GPR83: variants seen among roughly 807,000 people sequenced by gnomAD.
GPR83 encodes the protein G protein-coupled receptor 83, also known as G-protein coupled receptor 72.
GPR83 carries 23 observed loss-of-function variants against 28.0 expected under a neutral mutation model. The observed-to-expected ratio is 0.82, with a 90% CI of 0.59 to 1.16. The LOEUF is 1.16. Among genes scored for constraint, GPR83 ranks in the 50% most tolerant of loss-of-function variants. The pLI is 0.00. For synonymous variants in GPR83, 234 were observed against 215.4 expected, an observed-to-expected ratio of 1.09 and a Z score of -0.76; for missense variants, 610 against 536.6, an observed-to-expected ratio of 1.14 and a Z score of -1.35.
At position 94,380,319 on chromosome 11, in the gene GPR83, T is replaced by C. The variant is rs757885489; in HGVS notation, c.1102A>G (p.Lys368Glu). 5 of 1,610,766 alleles carry C rather than the reference T, an allele frequency of 3.1e-6. No individual in the cohort carries two copies. Among genetic ancestry groups the C allele is most frequent in the African/African-American group, 2.7e-5 (2 of 74,862 alleles). ...GAGGGTGGCCTGTCCTCCTGAGGCTTGGGAGGTCTTTGACACATGCTCAGT... is the reference window on the plus strand; with the variant it reads ...GAGGGTGGCCTGTCCTCCTGAGGCTCGGGAGGTCTTTGACACATGCTCAGT... ...ALLSMCQRPP[K>E]PQEDRPPSPV... Residue 368 changes from lysine (K) to glutamate (E), a missense_variant, in exon 4 of 4, where the codon AAG becomes GAG. Transcript: ENST00000243673.
At chr11:94,390,542 T>C (rs760705847) in intron 3 of GPR83, among the ~76,000 whole-genome samples, 10 of 152,210 alleles carry the variant, frequency 6.6e-5, no homozygotes, top group Non-Finnish European at 1.3e-4. Flanking sequence ...TGTCTCTGTT[T>C]GCAGATGACA....
intron 1 of GPR83, among the ~76,000 whole-genome samples, chr11:94,397,484 T>G (rs868580800): frequency 1.3e-5 from 2 of 152,144 alleles, no homozygotes; most frequent in Admixed American, 1.3e-4. Context: ...GGCATAGAAA[T>G]AGGGCAAGTT....
At chr11:94,390,881 G>GA (rs1944810365) in intron 3 of GPR83, among the ~76,000 whole-genome samples, 1 of 152,198 alleles carries the variant, frequency 6.6e-6, no homozygotes, top group Non-Finnish European at 1.5e-5. Flanking sequence ...TCAATATCAT[G>GA]AAAATGGCCA....
intron 3 of GPR83, among the ~76,000 whole-genome samples, chr11:94,385,064 T>C (rs1263845441): frequency 1.3e-5 from 2 of 152,206 alleles, no homozygotes; most frequent in African/African-American, 4.8e-5. Flanking sequence ...CTGCAGCCTC[T>C]GCTGCTGATA....
At chr11:94,391,856 T>G (rs1314668687) in intron 3 of GPR83, among the ~76,000 whole-genome samples, 1 of 152,150 alleles carries the variant, frequency 6.6e-6, no homozygotes, top group Non-Finnish European at 1.5e-5. Context: ...GAAATAGGAA[T>G]GCTTTTACAC....
chr11:94,381,040 C>G (rs1296350529), intron 3 of GPR83, among the ~76,000 whole-genome samples: 2 of 152,116 alleles, frequency 1.3e-5, no homozygotes, highest in Admixed American at 6.6e-5. Flanking sequence ...AGTAGAGACC[C>G]AATACATATT....
At chr11:94,387,476 T>A (rs1944771778) in intron 3 of GPR83, among the ~76,000 whole-genome samples, 1 of 151,996 alleles carries the variant, frequency 6.6e-6, no homozygotes, top group Non-Finnish European at 1.5e-5. Context: ...ATAGATGCAA[T>A]AAAAAATGAT....
In GPR83 at chr11:94,383,037, GGGCAC is replaced by G. The variant is rs1944710264; in HGVS notation, c.648-2269_648-2265del. 2.3e-5 allele frequency among the ~76,000 whole-genome samples: 3 copies of G among 127,974 alleles called. No homozygotes were observed. In the Admixed American group the frequency reaches 2.4e-4, roughly 10 times the overall value. 84.0% of individuals were successfully genotyped at this position (127,974 alleles called of 152,430 possible). A position where few individuals can be genotyped will look rare whatever the true frequency, so the allele number is the denominator to read the frequency against. On this transcript the variant is annotated intron_variant, in intron 3 of 3. Transcript: ENST00000243673. ...AAAAAAATTAGCCAGGCTTGGTAGC[GGGCAC>G]CTGTAGTCCCAGCTACTCGGGAGGC...
chr11:94,387,635 T>C (rs1356616672), intron 3 of GPR83, among the ~76,000 whole-genome samples: 1 of 152,058 alleles, frequency 6.6e-6, no homozygotes, highest in Non-Finnish European at 1.5e-5. Context: ...CAGGAAGAAG[T>C]TGAATCTCTG....
At position 94,401,163 on chromosome 11, in the gene GPR83, C is replaced by T; in HGVS notation, c.85G>A (p.Ala29Thr). Residue 29 changes from alanine (A) to threonine (T), a missense_variant, in exon 1 of 4, where the codon GCG becomes ACG. Coordinates refer to ENST00000243673, the MANE Select transcript of GPR83 (RefSeq NM_016540.4). ...PHEGRADEQS[A>T]EAALAVPNAS... ...TTGGGCACGGCCAGGGCCGCCTCCGCGCTCTGCTCGTCGGCCCGGCCCTCG... is the reference window on the plus strand; with the variant it reads ...TTGGGCACGGCCAGGGCCGCCTCCGTGCTCTGCTCGTCGGCCCGGCCCTCG... 6.2e-7 allele frequency: 1 copy of T among 1,614,012 alleles called. No individual in the cohort carries two copies. The highest frequency in any genetic ancestry group is 8.5e-7 in the Non-Finnish European group (1 of 1,179,976).
chr11:94,388,407 C>T (rs371407020), intron 3 of GPR83, among the ~76,000 whole-genome samples: 20 of 152,114 alleles, frequency 1.3e-4, no homozygotes, highest in South Asian at 6.3e-4. Context: ...ATGACATGAT[C>T]GTATATCTAG....
At chr11:94,388,197 C>T (rs537062473) in intron 3 of GPR83, among the ~76,000 whole-genome samples, 2 of 152,150 alleles carry the variant, frequency 1.3e-5, no homozygotes, top group African/African-American at 4.8e-5. Flanking sequence ...CTATCTATGA[C>T]AAACCCACAG....
intron 2 of GPR83, among the ~76,000 whole-genome samples, chr11:94,395,006 A>C (rs532978868): frequency 1.1e-4 from 16 of 152,342 alleles, no homozygotes; most frequent in African/African-American, 3.8e-4. Context: ...GGTTAAGAAA[A>C]GGCAGGAAAT....
chr11:94,389,713 C>T (rs1944795894), intron 3 of GPR83, among the ~76,000 whole-genome samples: 3 of 152,196 alleles, frequency 2.0e-5, no homozygotes, highest in Non-Finnish European at 4.4e-5. Context: ...TACTTTGACA[C>T]TGTTGGTGGG....
chr11:94,380,119 AC>A lies in GPR83; in HGVS notation c.*29del. 1 of 1,491,802 alleles carries A rather than the reference AC, an allele frequency of 6.7e-7. No individual in the cohort carries two copies. Among genetic ancestry groups the A allele is most frequent in the South Asian group, 1.4e-5 (1 of 69,358 alleles). The allele number at this position is 1,491,802 out of a possible 1,614,324, so 92.4% of individuals were successfully genotyped here. On this transcript the variant is annotated 3_prime_UTR_variant, in exon 4 of 4. Coordinates refer to ENST00000243673, the MANE Select transcript of GPR83 (RefSeq NM_016540.4). ...CTTTCCCTGCCTCAGGTGGAGACAGACCCCTCCCACTCCCTCTTCCCAACCT... is the reference window on the plus strand; with the variant it reads ...CTTTCCCTGCCTCAGGTGGAGACAGACCCTCCCACTCCCTCTTCCCAACCT...
In GPR83 at chr11:94,393,543, C is replaced by A. The variant is rs1944838093; in HGVS notation, c.589G>T (p.Ala197Ser). The change falls in exon 3 of 4, where the codon GCT (alanine) becomes TCT (serine). Residue 197 changes from alanine (A) to serine (S), a missense_variant. Transcript: ENST00000243673. Reference sequence around the variant, plus strand: ...GCATGTGGGAGTGAAAAGAACGTAGCCATGGTCCAGATGACAGCGATGTAG... The same window carrying A: ...GCATGTGGGAGTGAAAAGAACGTAGACATGGTCCAGATGACAGCGATGTAG... ...VIYIAVIWTMATFFSLPHAIC... is the reference protein window; with the variant it reads ...VIYIAVIWTMSTFFSLPHAIC... The A allele has an allele frequency of 6.2e-7, 1 of 1,613,732 alleles. No homozygotes were observed. The highest frequency in any genetic ancestry group is 8.5e-7 in the Non-Finnish European group (1 of 1,179,654).
chr11:94,394,026 G>A (rs372803510), intron 2 of GPR83, among the ~76,000 whole-genome samples: 13 of 152,016 alleles, frequency 8.6e-5, no homozygotes, highest in African/African-American at 2.9e-4. Flanking sequence ...TCAGAAAACC[G>A]GGGCAGGTCA....
At position 94,397,433 on chromosome 11, in the gene GPR83, T is replaced by C. The variant is rs548264202; in HGVS notation, c.388-909A>G. The stretch of plus-strand genomic sequence containing the variant: ...TCTGTAGAGACTGATTAAAGGGCAA[T>C]GGGGCCACCACATAGGGATGGGAGT... On this transcript the variant is annotated intron_variant, in intron 1 of 3. Coordinates refer to ENST00000243673, the MANE Select transcript of GPR83 (RefSeq NM_016540.4). Among the ~76,000 whole-genome samples, 180 of 152,102 alleles carry C rather than the reference T, an allele frequency of 1.2e-3. 1 individual carries two copies. Among genetic ancestry groups the C allele is most frequent in the African/African-American group, 4.1e-3 (170 of 41,488 alleles).
intron 1 of GPR83, among the ~76,000 whole-genome samples, chr11:94,399,394 C>G (rs1944892140): frequency 6.6e-6 from 1 of 152,226 alleles, no homozygotes; most frequent in African/African-American, 2.4e-5. Flanking sequence ...GAGTGTCCTT[C>G]ACTCCCAGCT....
Sources: gnomAD v4.1 joint callset for allele counts (sites outside exome capture counted in the v4.1 genomes callset) on GRCh38, gnomAD v4.1.1 for gene constraint, MANE v1.5 for transcripts, NCBI Gene and HGNC (gene_info 2026-07-23, HGNC 2026-07-21) for gene names.